Variants in OPA3 observed in about 807,000 individuals in gnomAD.
OPA3 encodes the protein outer mitochondrial membrane lipid metabolism regulator OPA3, also known as optic atrophy 3 protein.
In OPA3, 6 loss-of-function variants were observed where a neutral mutation model predicts 4.0. The observed-to-expected ratio is 1.51, with a 90% CI of 0.83 to 2.99. The LOEUF is 2.99. OPA3 is among the 30% of genes most tolerant of loss of function. The probability of loss-of-function intolerance (pLI) is 0.00; values close to 1 mark genes in which losing one functional copy is unlikely to be tolerated. For synonymous variants in OPA3, 105 were observed against 117.1 expected, an observed-to-expected ratio of 0.90 and a Z score of 0.67; for missense variants, 235 against 256.2, an observed-to-expected ratio of 0.92 and a Z score of 0.56.
At chr19:45,581,282 A>C (rs1364606879) in intron 1 of OPA3, among the ~76,000 whole-genome samples, 1 of 152,130 alleles carries the variant, frequency 6.6e-6, no homozygotes, top group Non-Finnish European at 1.5e-5. Flanking sequence ...CTGGAAAGCA[A>C]ACTTTAAGCA....
Position 45,551,631 on chromosome 19 carries a change from G to T in OPA3, c.*1883C>A. On this transcript the variant is annotated 3_prime_UTR_variant, in exon 2 of 2. Coordinates refer to ENST00000263275, the MANE Select transcript of OPA3 (RefSeq NM_025136.4). The stretch of plus-strand genomic sequence containing the variant: ...GAACTGTGTGAATTAAATTCCTGTT[G>T]GACTTAAGCCATCAAGTTCACCACC... 1.2e-6 allele frequency: 1 copy of T among 833,870 alleles called. No individual in the cohort carries two copies. Among genetic ancestry groups the T allele is most frequent in the Non-Finnish European group, 1.4e-6 (1 of 691,668 alleles). 51.7% of individuals were successfully genotyped at this position (833,870 alleles called of 1,614,324 possible). A position where few individuals can be genotyped will look rare whatever the true frequency, so the allele number is the denominator to read the frequency against.
intron 1 of OPA3, among the ~76,000 whole-genome samples, chr19:45,567,655 T>C (rs542900457): frequency 6.6e-6 from 1 of 152,288 alleles, no homozygotes; most frequent in Admixed American, 6.5e-5. Context: ...GTACAGATAC[T>C]ATATCTCAAC....
intron 1 of OPA3, among the ~76,000 whole-genome samples, chr19:45,581,947 CG>C (rs1044630311): frequency 5.3e-5 from 8 of 151,988 alleles, no homozygotes; most frequent in Non-Finnish European, 7.4e-5. Context: ...TACAGATGTG[CG>C]CCACCACACC....
intron 1 of OPA3, among the ~76,000 whole-genome samples, chr19:45,537,411 A>AAAAAAAAAAAACAAG (rs1568396414): frequency 7.9e-4 from 75 of 94,936 alleles, no homozygotes; most frequent in African/African-American, 3.3e-3. Context: ...AAAAAAAAAA[A>AAAAAAAAAAAACAAG]AAAAAAAAAA....
At chr19:45,572,790 GATATATATATCATACTATA>G (rs1969705357) in intron 1 of OPA3, among the ~76,000 whole-genome samples, 1 of 44,126 alleles carries the variant, frequency 2.3e-5, no homozygotes. Context: ...ACTATATATA[GATATATATATCATACTATA>G]TATATAGATA....
intron 1 of OPA3, among the ~76,000 whole-genome samples, chr19:45,565,131 G>A (rs1164310167): frequency 6.6e-6 from 1 of 152,162 alleles, no homozygotes; most frequent in Non-Finnish European, 1.5e-5. Context: ...CTACTTCGGA[G>A]GCTGAGGTAG....
At chr19:45,577,076 T>C (rs1222349634) in intron 1 of OPA3, among the ~76,000 whole-genome samples, 1 of 152,260 alleles carries the variant, frequency 6.6e-6, no homozygotes, top group African/African-American at 2.4e-5. Flanking sequence ...TTTGCAGGCA[T>C]GGCCTCAACC....
chr19:45,568,185 A>G, intron 1 of OPA3, among the ~76,000 whole-genome samples: 1 of 151,576 alleles, frequency 6.6e-6, no homozygotes. Flanking sequence ...TTATTTATTT[A>G]TTTTGTTATT....
intron 1 of OPA3, among the ~76,000 whole-genome samples, chr19:45,555,375 G>T (rs1000383587): frequency 1.3e-5 from 2 of 151,924 alleles, no homozygotes; most frequent in Non-Finnish European, 2.9e-5. Context: ...TTGCTTTGTC[G>T]CCCCGGCTGG....
chr19:45,541,977 C>T (rs564105672), downstream of OPA3, among the ~76,000 whole-genome samples: 1 of 152,322 alleles, frequency 6.6e-6, no homozygotes, highest in African/African-American at 2.4e-5. Flanking sequence ...ATGGTGCTGA[C>T]AGCCCTCTGA....
chr19:45,541,025 C>T (rs1020291766), intron 1 of OPA3, among the ~76,000 whole-genome samples: 7 of 152,174 alleles, frequency 4.6e-5, no homozygotes, highest in African/African-American at 1.4e-4. Context: ...ATTGGGGAAG[C>T]GCCATTGCTG....
At chr19:45,543,166 T>C (rs1340575719), downstream of OPA3, among the ~76,000 whole-genome samples, 1 of 151,132 alleles carries the variant, frequency 6.6e-6, no homozygotes, top group African/African-American at 2.4e-5. Context: ...CATGACACCA[T>C]GCCTGACTAA....
chr19:45,573,135 T>TC (rs1969713770), intron 1 of OPA3, among the ~76,000 whole-genome samples: 1 of 152,052 alleles, frequency 6.6e-6, no homozygotes, highest in South Asian at 2.1e-4. Flanking sequence ...GAGGTTTTTT[T>TC]CTAGTTCACC....
At chr19:45,544,565 C>T (rs1006711210), downstream of OPA3, among the ~76,000 whole-genome samples, 1 of 152,112 alleles carries the variant, frequency 6.6e-6, no homozygotes, top group Non-Finnish European at 1.5e-5. Flanking sequence ...GAGGCCGAGG[C>T]AGGTGGATCA....
chr19:45,566,540 G>A (rs1168609075), intron 1 of OPA3, among the ~76,000 whole-genome samples: 4 of 149,576 alleles, frequency 2.7e-5, no homozygotes, highest in Non-Finnish European at 5.9e-5. Flanking sequence ...GGATGATCTC[G>A]ACTCACTGCA....
At chr19:45,574,314 G>A (rs1969734449) in intron 1 of OPA3, among the ~76,000 whole-genome samples, 1 of 150,566 alleles carries the variant, frequency 6.6e-6, no homozygotes, top group African/African-American at 2.4e-5. Context: ...GGAGAATGGC[G>A]TGAACCCGGG....
chr19:45,574,004 A>T (rs555771626), intron 1 of OPA3, among the ~76,000 whole-genome samples: 1 of 151,948 alleles, frequency 6.6e-6, no homozygotes, highest in East Asian at 1.9e-4. Flanking sequence ...CTCTACTAAA[A>T]ATACAAAAAT....
chr19:45,573,377 G>T (rs1304067048), intron 1 of OPA3, among the ~76,000 whole-genome samples: 1 of 152,108 alleles, frequency 6.6e-6, no homozygotes, highest in Non-Finnish European at 1.5e-5. Flanking sequence ...CTTGAACCCA[G>T]GAGGTGGAGG....
chr19:45,584,284 C>G (rs540608903), intron 1 of OPA3: 2 of 959,314 alleles, frequency 2.1e-6, no homozygotes, highest in African/African-American at 3.5e-5. Flanking sequence ...TTCTCCTCAG[C>G]CCCTCCCCTA....
Sources: gnomAD v4.1 joint callset for allele counts (sites outside exome capture counted in the v4.1 genomes callset) on GRCh38, gnomAD v4.1.1 for gene constraint, MANE v1.5 for transcripts, NCBI Gene and HGNC (gene_info 2026-07-23, HGNC 2026-07-21) for gene names.